The following ADGRL2 variants were observed in gnomAD, a reference collection of about 807,000 sequenced individuals.
The protein encoded by ADGRL2 is adhesion G protein-coupled receptor L2, also known as calcium-independent alpha-latrotoxin receptor 2.
A neutral mutation model predicts 157.4 loss-of-function variants in ADGRL2; 44 were observed. The ratio of observed to expected loss-of-function variants is 0.28; its 90% CI spans 0.22 to 0.36. The LOEUF (loss-of-function observed/expected upper bound fraction) is 0.36. Among genes scored for constraint, ADGRL2 ranks in the 10% least tolerant of loss-of-function variants. The pLI is 1.00. For missense variants in ADGRL2, 1,510 were observed against 1,768.9 expected (o/e 0.85, Z 2.63); for synonymous variants, 585 against 624.7 (o/e 0.94, Z 0.95).
chr1:81,536,642 G>A (rs1250426458), intron 2 of ADGRL2, among the ~76,000 whole-genome samples: 5 of 152,046 alleles, frequency 3.3e-5, no homozygotes, highest in South Asian at 4.2e-4. Flanking sequence ...TTTCTTTGTC[G>A]TCGTTGTTTT....
chr1:81,467,871 AT>A (rs899659059), intron 2 of ADGRL2, among the ~76,000 whole-genome samples: 1 of 151,970 alleles, frequency 6.6e-6, no homozygotes. Context: ...TAAAAATGTT[AT>A]GAAGTATAAA....
intron 3 of ADGRL2, among the ~76,000 whole-genome samples, chr1:81,671,448 C>T (rs988599289): frequency 1.3e-5 from 2 of 152,092 alleles, no homozygotes; most frequent in African/African-American, 4.8e-5. Flanking sequence ...GCACAGAAAT[C>T]ATCCAGGGAT....
chr1:81,822,291 G>A (rs1245220960), intron 1 of ADGRL2, among the ~76,000 whole-genome samples: 3 of 151,776 alleles, frequency 2.0e-5, no homozygotes, highest in African/African-American at 7.2e-5. Context: ...TGGAAACAAT[G>A]TTTTCTCAAG....
chr1:81,968,094 G>C lies in ADGRL2; in HGVS notation c.2418G>C (p.Trp806Cys). 1 of 1,613,844 alleles carries C rather than the reference G, an allele frequency of 6.2e-7. No homozygotes were observed. The highest frequency in any genetic ancestry group is 8.5e-7 in the Non-Finnish European group (1 of 1,179,802). Residue 806 changes from tryptophan to cysteine, a missense_variant, in exon 14 of 24, where the codon TGG becomes TGC. By Grantham distance (215) the Trp-to-Cys change is radical (BLOSUM62 -2). This residue lies in a region of ADGRL2 where 497 missense variants were observed against 627.2 expected (regional missense o/e 0.79). Transcript: ENST00000686636. ...CAGAGAGAACTATGATGGGATATTG[G>C]TCTACCCAGGGCTGCAAGCTGGTTG... is the stretch of plus-strand genomic sequence containing the variant. ...NYSERTMMGY[W>C]STQGCKLVDT...
intron 23 of ADGRL2, 172 bp from the exon 24 acceptor site, chr1:81,990,219 G>T: frequency 1.0e-6 from 1 of 985,308 alleles, no homozygotes; most frequent in Non-Finnish European, 1.2e-6. Context: ...TGTTATCTAA[G>T]GGGTTGCAAC....
intron 1 of ADGRL2, among the ~76,000 whole-genome samples, chr1:81,803,643 G>A (rs2088659859): frequency 1.3e-5 from 2 of 152,016 alleles, no homozygotes; most frequent in South Asian, 4.1e-4. Flanking sequence ...TTCTTGAAAG[G>A]TGTCAGGCTG....
chr1:81,451,588 G>A (rs2077703444), intron 2 of ADGRL2, among the ~76,000 whole-genome samples: 3 of 151,944 alleles, frequency 2.0e-5, no homozygotes, highest in South Asian at 2.1e-4. Context: ...CTCTAAAATT[G>A]GACCATCTAA....
At chr1:81,833,450 T>C (rs1230636901) in intron 1 of ADGRL2, among the ~76,000 whole-genome samples, 1 of 152,232 alleles carries the variant, frequency 6.6e-6, no homozygotes, top group East Asian at 1.9e-4. Flanking sequence ...TGGTGGAATA[T>C]CAACATTAGT....
rs550079648 is a variant in ADGRL2 at position 81,852,706 on chromosome 1, G to T, written c.73+15649G>T. Among the ~76,000 whole-genome samples the T allele has an allele frequency of 1.1e-4, 17 of 151,898 alleles. No individual in the cohort carries two copies. The East Asian group carries it at 3.3e-3, about 29-fold the overall frequency. On this transcript the variant is annotated intron_variant, in intron 2 of 23. Coordinates refer to ENST00000686636, the MANE Select transcript of ADGRL2 (RefSeq NM_001366006.2). ...CATGCTGCCTCTAGCTGTGTGTCTC[G>T]CTGGCTTATTTCTGTTCTCATCCTC...
At chr1:81,394,347 CT>C (rs1420104523) in intron 1 of ADGRL2, among the ~76,000 whole-genome samples, 2 of 152,100 alleles carry the variant, frequency 1.3e-5, no homozygotes, top group Non-Finnish European at 2.9e-5. Flanking sequence ...ATTAAACAAA[CT>C]TTGTCTATCC....
At chr1:81,566,044 G>A (rs1304865721) in intron 2 of ADGRL2, among the ~76,000 whole-genome samples, 3 of 152,090 alleles carry the variant, frequency 2.0e-5, no homozygotes, top group Admixed American at 1.3e-4. Flanking sequence ...ATAAATGGAG[G>A]AAGAAAATAT....
chr1:81,802,415 C>G (rs12759035), intron 1 of ADGRL2, among the ~76,000 whole-genome samples: 11,748 of 152,090 alleles, frequency 0.077, 558 homozygotes, highest in South Asian at 0.2. Context: ...CTCCCTCCCC[C>G]CAATCTCCTC....
intron 8 of ADGRL2, among the ~76,000 whole-genome samples, chr1:81,951,717 G>A (rs1651853646): frequency 6.6e-6 from 1 of 152,044 alleles, no homozygotes; most frequent in South Asian, 2.1e-4. Context: ...AAATTTTTGA[G>A]AAAGGATTTT....
intron 1 of ADGRL2, among the ~76,000 whole-genome samples, chr1:81,406,628 C>T (rs2076858218): frequency 6.6e-6 from 1 of 152,154 alleles, no homozygotes; most frequent in South Asian, 2.1e-4. Flanking sequence ...GTTTTGAATA[C>T]AATGCAGTTT....
chr1:81,713,120 G>C (rs533597599), intron 1 of ADGRL2, among the ~76,000 whole-genome samples: 45 of 152,234 alleles, frequency 3.0e-4, no homozygotes, highest in African/African-American at 1.1e-3. Flanking sequence ...GAAATGGAAT[G>C]AAAATCATTT....
chr1:81,974,231 G>A (rs1659547552), intron 17 of ADGRL2, among the ~76,000 whole-genome samples: 1 of 152,178 alleles, frequency 6.6e-6, no homozygotes, highest in African/African-American at 2.4e-5. Flanking sequence ...TCTATAGGAT[G>A]TCTTGCCTAC....
At chr1:81,981,650 T>C (rs571069384) in intron 18 of ADGRL2, among the ~76,000 whole-genome samples, 158 bp from the exon 19 acceptor site, 1 of 152,118 alleles carries the variant, frequency 6.6e-6, no homozygotes, top group African/African-American at 2.4e-5. Flanking sequence ...AATGCTATTG[T>C]TCTTTCTTAA....
At chr1:81,596,551 G>T in intron 3 of ADGRL2, 1 of 317,404 alleles carries the variant, frequency 3.2e-6, no homozygotes, top group South Asian at 3.1e-5. Context: ...TGGCAAGAGC[G>T]AACAGCGGTG....
chr1:81,876,291 C>T (rs897548979), intron 2 of ADGRL2, among the ~76,000 whole-genome samples: 2 of 151,922 alleles, frequency 1.3e-5, no homozygotes, highest in Admixed American at 6.6e-5. Flanking sequence ...AAGTTAAATA[C>T]CTTTTATCAT....
Sources: gnomAD v4.1 joint callset for allele counts (sites outside exome capture counted in the v4.1 genomes callset) on GRCh38, gnomAD v4.1.1 for gene constraint, gnomAD v4.1.1 regional missense constraint, MANE v1.5 for transcripts, NCBI Gene and HGNC (gene_info 2026-07-23, HGNC 2026-07-21) for gene names.